Variants in MMP16 observed in about 807,000 individuals in gnomAD.
MMP16 encodes matrix metallopeptidase 16, also known as matrix metalloproteinase-16.
A neutral mutation model predicts 67.8 loss-of-function variants in MMP16; 12 were observed. That is an observed-to-expected ratio of 0.18 (90% CI 0.11 to 0.29). The LOEUF (loss-of-function observed/expected upper bound fraction) is 0.29, where lower values mean the gene tolerates loss of function less well. Among genes scored for constraint, MMP16 ranks in the 10% least tolerant of loss-of-function variants. The pLI is 1.00. For synonymous variants in MMP16, 249 were observed against 255.9 expected, an observed-to-expected ratio of 0.97 and a Z score of 0.26; for missense variants, 475 against 765.7, an observed-to-expected ratio of 0.62 and a Z score of 4.48.
intron 4 of MMP16, among the ~76,000 whole-genome samples, chr8:88,157,203 G>A (rs749968645): frequency 5.9e-5 from 9 of 152,052 alleles, no homozygotes; most frequent in Non-Finnish European, 1.3e-4. Context: ...ATACACGGTT[G>A]CATCTGTACC....
In MMP16 at chr8:88,242,132, T is replaced by C. The variant is rs1411579098; in HGVS notation, c.133-44826A>G. ...GGATAGAAAATAAAAAAGAAAGATA[T>C]ACAACCAGCTCATCTGAAGATGTTG... On this transcript the variant is annotated intron_variant, in intron 1 of 9. Coordinates refer to ENST00000286614, the MANE Select transcript of MMP16 (RefSeq NM_005941.5). 2.0e-5 allele frequency among the ~76,000 whole-genome samples: 3 copies of C among 152,192 alleles called. No individual in the cohort carries two copies. The South Asian group carries it at 6.2e-4, about 31-fold the overall frequency.
At chr8:88,180,995 A>G (rs1808970217) in intron 3 of MMP16, among the ~76,000 whole-genome samples, 1 of 152,166 alleles carries the variant, frequency 6.6e-6, no homozygotes, top group Non-Finnish European at 1.5e-5. Flanking sequence ...ACGCCCATTC[A>G]CAATATATAC....
intron 6 of MMP16, among the ~76,000 whole-genome samples, chr8:88,077,282 A>G (rs1808666721): frequency 1.3e-5 from 2 of 152,180 alleles, no homozygotes; most frequent in African/African-American, 4.8e-5. Flanking sequence ...AACTCATGTC[A>G]TGGTTACTAT....
intron 1 of MMP16, among the ~76,000 whole-genome samples, chr8:88,320,865 A>G (rs1261767630): frequency 6.6e-6 from 1 of 152,138 alleles, no homozygotes; most frequent in Non-Finnish European, 1.5e-5. Flanking sequence ...TCATCAAGCT[A>G]TGCCACTATC....
intron 4 of MMP16, among the ~76,000 whole-genome samples, chr8:88,154,939 T>A (rs1276395282): frequency 1.3e-5 from 2 of 152,124 alleles, no homozygotes; most frequent in Non-Finnish European, 2.9e-5. Flanking sequence ...ATTCTGCTTT[T>A]CTTATGGCAG....
intron 6 of MMP16, among the ~76,000 whole-genome samples, chr8:88,080,003 T>G (rs1282037862): frequency 6.6e-6 from 1 of 152,224 alleles, no homozygotes; most frequent in African/African-American, 2.4e-5. Context: ...AAGACATTCT[T>G]GTACTATCTC....
chr8:88,150,871 T>G (rs1237437882), intron 4 of MMP16, among the ~76,000 whole-genome samples: 1 of 143,896 alleles, frequency 6.9e-6, no homozygotes, highest in Non-Finnish European at 1.5e-5. Flanking sequence ...AATATTAACT[T>G]TAAATGTAAA....
chr8:88,299,670 T>C (rs1397310482), intron 1 of MMP16, among the ~76,000 whole-genome samples: 1 of 152,208 alleles, frequency 6.6e-6, no homozygotes, highest in Non-Finnish European at 1.5e-5. Context: ...GTTATTAGGC[T>C]GTCTATAATG....
chr8:88,310,905 A>G (rs1355113550), intron 1 of MMP16, among the ~76,000 whole-genome samples: 1 of 152,106 alleles, frequency 6.6e-6, no homozygotes, highest in Non-Finnish European at 1.5e-5. Context: ...AAGGAGGTGG[A>G]TGTGTGTTTT....
At chr8:88,247,576 T>C (rs1458133415) in intron 1 of MMP16, among the ~76,000 whole-genome samples, 1 of 152,052 alleles carries the variant, frequency 6.6e-6, no homozygotes, top group Admixed American at 6.6e-5. Context: ...TTCACTGTTG[T>C]GGTTCTTAAC....
intron 4 of MMP16, among the ~76,000 whole-genome samples, chr8:88,128,228 G>A (rs987254279): frequency 4.6e-5 from 7 of 151,746 alleles, no homozygotes; most frequent in African/African-American, 1.7e-4. Context: ...AGTGTATTTT[G>A]TTCACAAAAT....
chr8:88,285,183 A>G (rs895015727), intron 1 of MMP16, among the ~76,000 whole-genome samples: 1 of 152,218 alleles, frequency 6.6e-6, no homozygotes, highest in Admixed American at 6.5e-5. Context: ...TCTGTCACCC[A>G]AGCTGGACTA....
chr8:88,059,594 G>C (rs564756560), intron 7 of MMP16, among the ~76,000 whole-genome samples: 1 of 152,132 alleles, frequency 6.6e-6, no homozygotes, highest in South Asian at 2.1e-4. Flanking sequence ...ATTACATTCA[G>C]CTGATTTCAA....
At chr8:88,047,940 A>G (rs1012029188) in intron 8 of MMP16, among the ~76,000 whole-genome samples, 11 of 152,182 alleles carry the variant, frequency 7.2e-5, no homozygotes, top group African/African-American at 2.7e-4. Flanking sequence ...ATGATAAATC[A>G]AGGCATTTGG....
At chr8:88,108,449 C>T (rs536993804) in intron 6 of MMP16, among the ~76,000 whole-genome samples, 1 of 151,350 alleles carries the variant, frequency 6.6e-6, no homozygotes, top group East Asian at 2.0e-4. Context: ...ATAGTAAGGA[C>T]ACTAAGCATT....
At chr8:88,084,557 TC>T (rs532352924) in intron 6 of MMP16, among the ~76,000 whole-genome samples, 2 of 151,936 alleles carry the variant, frequency 1.3e-5, no homozygotes, top group Non-Finnish European at 2.9e-5. Context: ...AGTCATTGGA[TC>T]CCGTATTTAA....
chr8:88,105,768 G>A (rs1809226777), intron 6 of MMP16, among the ~76,000 whole-genome samples: 1 of 150,964 alleles, frequency 6.6e-6, no homozygotes, highest in Non-Finnish European at 1.5e-5. Context: ...CTAGACAAAA[G>A]AAAGATTAAA....
intron 4 of MMP16, among the ~76,000 whole-genome samples, chr8:88,123,568 T>C (rs185996220): frequency 2.6e-3 from 398 of 151,926 alleles, no homozygotes; most frequent in Non-Finnish European, 4.6e-3. Flanking sequence ...AAAAATAACA[T>C]AAAATACTAT....
rs180723209 is a variant in MMP16 at position 88,117,832 on chromosome 8, T to C, written c.871+868A>G. The stretch of plus-strand genomic sequence containing the variant: ...ATGCAAAAGACATCTATCTTCTGGA[T>C]ACTGGATATTAACATACAGATAGCA... On this transcript the variant is annotated intron_variant, in intron 5 of 9. Coordinates refer to ENST00000286614, the MANE Select transcript of MMP16 (RefSeq NM_005941.5). 5.3e-5 allele frequency among the ~76,000 whole-genome samples: 8 copies of C among 152,240 alleles called. No homozygotes were observed. The East Asian group carries it at 1.4e-3, about 26-fold the overall frequency.
Sources: allele counts gnomAD v4.1 joint callset (sites outside exome capture counted in the v4.1 genomes callset), GRCh38; gene constraint gnomAD v4.1.1; transcripts MANE v1.5; gene names NCBI Gene and HGNC (gene_info 2026-07-23, HGNC 2026-07-21).